Variants in RFX4 observed in about 807,000 individuals in gnomAD.
RFX4 encodes regulatory factor X4, also known as transcription factor RFX4.
Under a neutral mutation model 95.0 loss-of-function variants are expected in RFX4, and 10 were observed. The ratio of observed to expected loss-of-function variants is 0.11; its 90% CI spans 0.06 to 0.18. The LOEUF is 0.18. Ranked by LOEUF, RFX4 falls within the 10% of genes least tolerant of loss-of-function variation. RFX4 has a pLI of 1.00. For missense variants in RFX4, 640 were observed against 922.0 expected, an observed-to-expected ratio of 0.69 and a Z score of 3.96; for synonymous variants, 321 against 340.7, an observed-to-expected ratio of 0.94 and a Z score of 0.64.
rs186916695 is a variant in RFX4 at position 106,635,499 on chromosome 12, G to C, written c.131-3833G>C. ...AGCTAATTTTTGTATTTTTAGTAGAGACAGGGTTTCACTGTGTTGGGCAGG... is the reference window on the plus strand; with the variant it reads ...AGCTAATTTTTGTATTTTTAGTAGACACAGGGTTTCACTGTGTTGGGCAGG... On this transcript the variant is annotated intron_variant, in intron 2 of 17. Transcript: ENST00000392842. Among the ~76,000 whole-genome samples, 599 of 152,148 alleles carry C rather than the reference G, an allele frequency of 3.9e-3. 1 individual carries two copies. The highest frequency in any genetic ancestry group is 6.6e-3 in the Non-Finnish European group (449 of 67,996).
intron 13 of RFX4, among the ~76,000 whole-genome samples, chr12:106,728,530 G>A (rs1274005463): frequency 6.6e-6 from 1 of 152,064 alleles, no homozygotes; most frequent in Non-Finnish European, 1.5e-5. Context: ...TCTAGTGGAG[G>A]AGGCATGCAA....
intron 2 of RFX4, among the ~76,000 whole-genome samples, chr12:106,625,302 G>A (rs189353504): frequency 2.5e-4 from 38 of 152,308 alleles, no homozygotes; most frequent in African/African-American, 8.7e-4. Flanking sequence ...GTAAGCGTGA[G>A]GAAATGTGAT....
chr12:106,750,569 A>G, intron 16 of RFX4, 86 bp from the exon 17 acceptor site: 1 of 1,291,814 alleles, frequency 7.7e-7, no homozygotes, highest in South Asian at 2.4e-5. Context: ...AAAAAGGAAA[A>G]AAAATAGATG....
intron 14 of RFX4, among the ~76,000 whole-genome samples, chr12:106,732,707 GTAAA>G (rs372246846): frequency 7.3e-5 from 11 of 151,710 alleles, no homozygotes; most frequent in East Asian, 3.9e-4. Context: ...CTCAAAATAA[GTAAA>G]TAAATAAATA....
chr12:106,708,388 G>A (rs1023322181), intron 8 of RFX4, among the ~76,000 whole-genome samples: 5 of 151,814 alleles, frequency 3.3e-5, no homozygotes, highest in African/African-American at 4.8e-5. Context: ...CCACCCGCTG[G>A]CAGGGAGGAG....
intron 4 of RFX4, among the ~76,000 whole-genome samples, chr12:106,678,934 A>G (rs894716221): frequency 8.5e-5 from 13 of 152,196 alleles, no homozygotes; most frequent in African/African-American, 2.4e-5. Flanking sequence ...TTTCACTCTC[A>G]TTAGTAGACT....
chr12:106,626,816 A>G (rs2040310095), intron 2 of RFX4, among the ~76,000 whole-genome samples: 1 of 152,178 alleles, frequency 6.6e-6, no homozygotes, highest in South Asian at 2.1e-4. Context: ...AATGTAACCA[A>G]GAGGTGCTCA....
At chr12:106,668,332 C>G (rs180762724) in intron 4 of RFX4, among the ~76,000 whole-genome samples, 56 of 152,340 alleles carry the variant, frequency 3.7e-4, no homozygotes, top group Non-Finnish European at 6.3e-4. Context: ...TCTTTAGACT[C>G]TTTCCCAGAG....
chr12:106,629,689 G>T (rs1174160809), intron 2 of RFX4, among the ~76,000 whole-genome samples: 1 of 152,054 alleles, frequency 6.6e-6, no homozygotes, highest in Non-Finnish European at 1.5e-5. Context: ...TGCTAAGGCT[G>T]GTTGAACTCC....
intron 2 of RFX4, among the ~76,000 whole-genome samples, chr12:106,631,062 A>G (rs1172925649): frequency 6.6e-6 from 1 of 152,224 alleles, no homozygotes; most frequent in Admixed American, 6.5e-5. Flanking sequence ...AATACTAATC[A>G]TTAGGCCTAA....
In RFX4 at chr12:106,646,410, A is replaced by T. The variant is rs910997054; in HGVS notation, c.191+7018A>T. On this transcript the variant is annotated intron_variant, in intron 3 of 17. Transcript: ENST00000392842. The stretch of plus-strand genomic sequence containing the variant: ...AAATGGAAATTGCAACACTGTGCTT[A>T]ATACATTGCCTAGTTTTATCCAAAA... 1.2e-4 allele frequency among the ~76,000 whole-genome samples: 17 copies of T among 140,576 alleles called. 1 individual carries two copies. Among genetic ancestry groups the T allele is most frequent in the Admixed American group, 6.7e-4 (9 of 13,522 alleles). The allele number at this position is 140,576 out of a possible 152,430, so 92.2% of individuals were successfully genotyped here. A position where few individuals can be genotyped will look rare whatever the true frequency, so the allele number is the denominator to read the frequency against.
At chr12:106,747,646 A>G in intron 16 of RFX4, 47 bp downstream of exon 16, 1 of 1,597,968 alleles carries the variant, frequency 6.3e-7, no homozygotes, top group Non-Finnish European at 8.6e-7. Flanking sequence ...AATTTGATCT[A>G]AAGAGGCTGG....
In RFX4 at chr12:106,586,171, CA is replaced by C. The variant is rs1162996520; in HGVS notation, c.43+2811del. On this transcript the variant is annotated intron_variant, in intron 1 of 17. Coordinates refer to ENST00000392842, the MANE Select transcript of RFX4 (RefSeq NM_213594.3). The surrounding 1 kb of genome is among the most constrained non-coding windows in gnomAD (Gnocchi z 5.6). ...CGCGCCGCGGTGCTCCGGCAGGAGG[CA>C]AAGGCGACAGGCGCGCGCAGGGGCA... is the stretch of plus-strand genomic sequence containing the variant. Among the ~76,000 whole-genome samples, 1 of 152,142 alleles carries C rather than the reference CA, an allele frequency of 6.6e-6. No individual in the cohort carries two copies. The highest frequency in any genetic ancestry group is 1.5e-5 in the Non-Finnish European group (1 of 68,012).
In RFX4 at chr12:106,623,258, C is replaced by T. The variant is rs912945670; in HGVS notation, c.130+14375C>T. On this transcript the variant is annotated intron_variant, in intron 2 of 17. Transcript: ENST00000392842. ...TTTCACGGTGGTCTCAATCTGACCTCGTGATCTGCCCGCCTTGGCCTCCCA... is the reference window on the plus strand; with the variant it reads ...TTTCACGGTGGTCTCAATCTGACCTTGTGATCTGCCCGCCTTGGCCTCCCA... Among the ~76,000 whole-genome samples the T allele has an allele frequency of 6.1e-4, 92 of 151,490 alleles. 1 individual carries two copies. Among genetic ancestry groups the T allele is most frequent in the Non-Finnish European group, 8.4e-4 (57 of 67,886 alleles).
At chr12:106,622,050 C>T (rs1411545762) in intron 2 of RFX4, among the ~76,000 whole-genome samples, 1 of 152,160 alleles carries the variant, frequency 6.6e-6, no homozygotes, top group Non-Finnish European at 1.5e-5. Context: ...TTATCAACAA[C>T]TCTTAGACAA....
Position 106,583,161 on chromosome 12 carries a change from C to A in RFX4, c.-160C>A. 1 of 548,354 alleles carries A rather than the reference C, an allele frequency of 1.8e-6. No individual in the cohort carries two copies. Among genetic ancestry groups the A allele is most frequent in the Non-Finnish European group, 3.0e-6 (1 of 333,158 alleles). The allele number at this position is 548,354 out of a possible 1,614,324, so 34.0% of individuals were successfully genotyped here. A position where few individuals can be genotyped will look rare whatever the true frequency, so the allele number is the denominator to read the frequency against. ...TTTTCTTTCCTCTTCTTTTTCTTTT[C>A]TTTTCCTTTCCTCCTTTATCCTTGT... On this transcript the variant is annotated 5_prime_UTR_variant, in exon 1 of 18. Transcript: ENST00000392842.
chr12:106,592,682 G>A (rs1467006420), intron 1 of RFX4, among the ~76,000 whole-genome samples: 1 of 149,298 alleles, frequency 6.7e-6, no homozygotes, highest in Non-Finnish European at 1.5e-5. Context: ...TAAGGATTGA[G>A]CCATTTTTAC....
chr12:106,733,028 C>T lies in RFX4; in HGVS notation c.1576C>T (p.Pro526Ser). The change falls in exon 15 of 18, where the codon CCT becomes TCT. Residue 526 changes from proline to serine, a missense_variant. By Grantham distance (74) the Pro-to-Ser change is moderately conservative. Transcript: ENST00000392842. ...AKSATSVEVPPPSSPVSNPSP... is the reference protein window; with the variant it reads ...AKSATSVEVPSPSSPVSNPSP... ...ATCTGCCACATCTGTGGAAGTGCCA[C>T]CTCCCTCTTCCCCTGTTAGCAATCC... is the stretch of plus-strand genomic sequence containing the variant. 6.2e-7 allele frequency: 1 copy of T among 1,614,194 alleles called. No individual in the cohort carries two copies. The highest frequency in any genetic ancestry group is 1.1e-5 in the South Asian group (1 of 91,084).
At chr12:106,587,401 G>C (rs2039475382) in intron 1 of RFX4, among the ~76,000 whole-genome samples, 1 of 152,158 alleles carries the variant, frequency 6.6e-6, no homozygotes, top group Admixed American at 6.5e-5. Context: ...TCAGGGGGCG[G>C]GGGGACCGGA....
Sources: gnomAD v4.1 joint callset for allele counts (sites outside exome capture counted in the v4.1 genomes callset) on GRCh38, gnomAD v4.1.1 for gene constraint, Gnocchi (gnomAD v3.1) non-coding constraint, MANE v1.5 for transcripts, NCBI Gene and HGNC (gene_info 2026-07-23, HGNC 2026-07-21) for gene names.